The following NPAS3 variants were observed in gnomAD, a reference collection of about 807,000 sequenced individuals.
NPAS3 encodes the protein neuronal PAS domain protein 3.
In NPAS3, 14 loss-of-function variants were observed where a neutral mutation model predicts 73.1. The ratio of observed to expected loss-of-function variants is 0.19; its 90% CI spans 0.13 to 0.30. The LOEUF is 0.30. NPAS3 is among the 10% of genes least tolerant of loss of function. NPAS3 has a pLI of 1.00. For missense variants in NPAS3, 1,096 were observed against 1,250.0 expected (o/e 0.88, Z 1.86); for synonymous variants, 620 against 541.5 (o/e 1.14, Z -2.01).
intron 2 of NPAS3, among the ~76,000 whole-genome samples, chr14:33,172,383 G>C (rs2045424596): frequency 6.6e-6 from 1 of 152,148 alleles, no homozygotes. Flanking sequence ...CTCTTGACAT[G>C]TAGCAAACAT....
chr14:33,763,669 C>T (rs2062368395), intron 7 of NPAS3, among the ~76,000 whole-genome samples: 1 of 152,200 alleles, frequency 6.6e-6, no homozygotes. Context: ...GGAATATTGG[C>T]TTCCACTCTG....
chr14:33,604,517 T>C lies in NPAS3; in HGVS notation c.558+44307T>C, dbSNP rs186766681. 1.7e-3 allele frequency among the ~76,000 whole-genome samples: 255 copies of C among 152,220 alleles called. 1 individual carries two copies. Among genetic ancestry groups the C allele is most frequent in the African/African-American group, 5.7e-3 (239 of 41,570 alleles). ...GAGGAATAAAAAAAATTCACAATTA[T>C]AGTTGGATATTCTGATACCCCTTTC... On this transcript the variant is annotated intron_variant, in intron 5 of 11. Transcript: ENST00000356141.
chr14:33,219,793 CTGTT>C (rs1179643737), intron 3 of NPAS3, among the ~76,000 whole-genome samples: 1 of 152,090 alleles, frequency 6.6e-6, no homozygotes, highest in Non-Finnish European at 1.5e-5. Context: ...CACTAAACTA[CTGTT>C]ATAATATTGT....
At chr14:33,122,449 T>C (rs2043265975) in intron 2 of NPAS3, among the ~76,000 whole-genome samples, 1 of 152,102 alleles carries the variant, frequency 6.6e-6, no homozygotes, top group Non-Finnish European at 1.5e-5. Context: ...CATAAATCGA[T>C]GACATTTCAA....
chr14:33,630,882 A>T (rs1441815590), intron 5 of NPAS3, among the ~76,000 whole-genome samples: 2 of 152,254 alleles, frequency 1.3e-5, no homozygotes, highest in African/African-American at 2.4e-5. Context: ...GATTTTATTC[A>T]ACAGTAAGGC....
intron 6 of NPAS3, among the ~76,000 whole-genome samples, chr14:33,703,734 T>C (rs776334084): frequency 6.6e-6 from 1 of 152,114 alleles, no homozygotes; most frequent in African/African-American, 2.4e-5. Context: ...CCAGGCCATA[T>C]ACATGTATTA....
chr14:33,296,845 A>G (rs994679052), intron 3 of NPAS3, among the ~76,000 whole-genome samples: 2 of 152,180 alleles, frequency 1.3e-5, no homozygotes, highest in African/African-American at 4.8e-5. Flanking sequence ...GGAGCTACTT[A>G]TAGGTGAAAA....
intron 5 of NPAS3, among the ~76,000 whole-genome samples, chr14:33,621,617 T>C (rs1359419207): frequency 6.6e-6 from 1 of 152,210 alleles, no homozygotes; most frequent in Non-Finnish European, 1.5e-5. Context: ...ATTTTCATAA[T>C]TATCTTTCCC....
At chr14:33,341,023 A>T (rs1160034873) in intron 3 of NPAS3, among the ~76,000 whole-genome samples, 2 of 152,206 alleles carry the variant, frequency 1.3e-5, no homozygotes. Flanking sequence ...CTCACTTTTC[A>T]TGTGTAGTAT....
chr14:32,971,421 T>C (rs1194576852), intron 1 of NPAS3, among the ~76,000 whole-genome samples: 1 of 152,114 alleles, frequency 6.6e-6, no homozygotes. Flanking sequence ...CTGTGCATCA[T>C]CTCTAAAATA....
chr14:33,054,970 A>G (rs956129361), intron 1 of NPAS3, among the ~76,000 whole-genome samples: 3 of 152,158 alleles, frequency 2.0e-5, no homozygotes, highest in Non-Finnish European at 2.9e-5. Flanking sequence ...AATAATTAAG[A>G]AGATATTAAG....
In NPAS3 at chr14:33,438,708, T is replaced by G. The variant is rs544746311; in HGVS notation, c.468+71440T>G. On this transcript the variant is annotated intron_variant, in intron 4 of 11. Coordinates refer to ENST00000356141, the Ensembl canonical transcript of NPAS3. ...ATCACTAAGCTATCCTGCCTCTAAC[T>G]GTGGTAATAAATACATGGTATACTC... is the stretch of plus-strand genomic sequence containing the variant. Among the ~76,000 whole-genome samples, 7 of 152,326 alleles carry G rather than the reference T, an allele frequency of 4.6e-5. No individual in the cohort carries two copies. The East Asian group carries it at 1.3e-3, about 29-fold the overall frequency.
intron 4 of NPAS3, among the ~76,000 whole-genome samples, chr14:33,513,387 G>A (rs1428060505): frequency 6.6e-6 from 1 of 151,974 alleles, no homozygotes; most frequent in East Asian, 1.9e-4. Flanking sequence ...AATAATAAAA[G>A]TGATGATTTA....
chr14:33,519,457 C>G (rs1158226870), intron 4 of NPAS3, among the ~76,000 whole-genome samples: 1 of 152,112 alleles, frequency 6.6e-6, no homozygotes, highest in Non-Finnish European at 1.5e-5. Context: ...GCCAGCTTCC[C>G]CTGATGTCAT....
chr14:33,800,258 G>C lies in NPAS3; in HGVS notation c.1951G>C (p.Glu651Gln). The change falls in exon 12 of 12, where the codon GAG becomes CAG. Residue 651 changes from glutamate (E) to glutamine (Q), a missense_variant. Glu to Gln is a conservative substitution (Grantham distance 29, BLOSUM62 2). Around this residue, in one of 5 missense-constraint regions of NPAS3, gnomAD observed 698 missense variants for 676.7 expected, o/e 1.03. Transcript: ENST00000356141. The surrounding 1 kb of genome is among the most constrained non-coding windows in gnomAD (Gnocchi z 6.5). Reference sequence around the variant, plus strand: ...TGCCTCGGTGCTCAAGATCAAGACGGAGATCTCAGAACCCATCAATTTCGA... The same window carrying C: ...TGCCTCGGTGCTCAAGATCAAGACGCAGATCTCAGAACCCATCAATTTCGA... The C allele has an allele frequency of 1.2e-6, 2 of 1,613,382 alleles. No individual in the cohort carries two copies. The highest frequency in any genetic ancestry group is 1.7e-6 in the Non-Finnish European group (2 of 1,179,658).
intron 4 of NPAS3, among the ~76,000 whole-genome samples, chr14:33,369,333 A>G (rs887900220): frequency 1.3e-5 from 2 of 148,680 alleles, no homozygotes; most frequent in Non-Finnish European, 3.0e-5. Flanking sequence ...AGGCCTGAGA[A>G]AGTTTAGTTT....
chr14:33,661,044 T>C (rs1311700772), intron 5 of NPAS3, among the ~76,000 whole-genome samples: 1 of 148,796 alleles, frequency 6.7e-6, no homozygotes, highest in African/African-American at 2.5e-5. Flanking sequence ...TTAAATGTGA[T>C]GGCAAAATAA....
intron 5 of NPAS3, among the ~76,000 whole-genome samples, chr14:33,580,295 C>T (rs1031537474): frequency 1.4e-4 from 22 of 152,112 alleles, no homozygotes; most frequent in Admixed American, 9.8e-4. Context: ...GCAAAAGAAG[C>T]TGCCAAAGGT....
chr14:33,027,145 G>A (rs2039832861), intron 1 of NPAS3, among the ~76,000 whole-genome samples: 1 of 152,186 alleles, frequency 6.6e-6, no homozygotes, highest in Non-Finnish European at 1.5e-5. Flanking sequence ...TGGACCACCA[G>A]CGTTGGCAGG....
Sources: gnomAD v4.1 joint callset for allele counts (sites outside exome capture counted in the v4.1 genomes callset) on GRCh38, gnomAD v4.1.1 for gene constraint, gnomAD v4.1.1 regional missense constraint, Gnocchi (gnomAD v3.1) non-coding constraint, MANE v1.5 for transcripts, NCBI Gene and HGNC (gene_info 2026-07-23, HGNC 2026-07-21) for gene names.